The following POU2F1 variants were observed in gnomAD, a reference collection of about 807,000 sequenced individuals.
The protein encoded by POU2F1 is POU class 2 homeobox 1, also known as POU domain, class 2, transcription factor 1.
A neutral mutation model predicts 84.9 loss-of-function variants in POU2F1; 16 were observed. The ratio of observed to expected loss-of-function variants is 0.19; its 90% CI spans 0.13 to 0.29. The LOEUF (loss-of-function observed/expected upper bound fraction) is 0.29. Ranked by LOEUF, POU2F1 falls within the 10% of genes least tolerant of loss-of-function variation. The pLI is 1.00. For missense variants in POU2F1, 738 were observed against 942.6 expected, an observed-to-expected ratio of 0.78 and a Z score of 2.84; for synonymous variants, 368 against 368.3, an observed-to-expected ratio of 1.00 and a Z score of 0.01.
At position 167,401,306 on chromosome 1, in the gene POU2F1, A is replaced by G. The variant is rs758575959; in HGVS notation, c.1450-145A>G. The G allele has an allele frequency of 6.5e-5, 34 of 523,820 alleles. 1 individual carries two copies. Among genetic ancestry groups the G allele is most frequent in the Admixed American group, 1.8e-4 (5 of 27,660 alleles). The allele number at this position is 523,820 out of a possible 1,614,324, so 32.4% of individuals were successfully genotyped here. A position where few individuals can be genotyped will look rare whatever the true frequency, so the allele number is the denominator to read the frequency against. ...CCCAGGCAAAGCTATCTGTGATATC[A>G]GTGAACAACCATCTTCGAATAGCAG... is the stretch of plus-strand genomic sequence containing the variant. On this transcript the variant is annotated intron_variant, in intron 12 of 15. Coordinates refer to ENST00000367866, the MANE Select transcript of POU2F1 (RefSeq NM_002697.4).
chr1:167,403,974 A>G (rs1465082339), intron 13 of POU2F1, among the ~76,000 whole-genome samples: 1 of 152,014 alleles, frequency 6.6e-6, no homozygotes, highest in Non-Finnish European at 1.5e-5. Flanking sequence ...TTTAGCATCT[A>G]GTGTTGCTAG....
chr1:167,396,072 A>T (rs1416265698), intron 9 of POU2F1, among the ~76,000 whole-genome samples: 1 of 152,212 alleles, frequency 6.6e-6, no homozygotes, highest in East Asian at 1.9e-4. Context: ...GTGGGACAGT[A>T]TTGAACATTG....
chr1:167,235,740 A>G (rs2102353632), intron 1 of POU2F1, among the ~76,000 whole-genome samples: 1 of 152,314 alleles, frequency 6.6e-6, no homozygotes, highest in South Asian at 2.1e-4. Flanking sequence ...ACTCATTTAA[A>G]TAAGATAAAC....
chr1:167,405,333 A>G (rs1649493913), intron 13 of POU2F1, among the ~76,000 whole-genome samples: 1 of 152,140 alleles, frequency 6.6e-6, no homozygotes, highest in African/African-American at 2.4e-5. Context: ...GAAATAGACA[A>G]TTCAACAATA....
chr1:167,317,556 T>A (rs1280498404), intron 1 of POU2F1, among the ~76,000 whole-genome samples: 2 of 152,220 alleles, frequency 1.3e-5, no homozygotes, highest in African/African-American at 4.8e-5. Context: ...TTCTATAGAT[T>A]ATAGATTAAC....
intron 1 of POU2F1, among the ~76,000 whole-genome samples, chr1:167,253,454 C>T (rs1484064212): frequency 7.1e-6 from 1 of 141,630 alleles, no homozygotes; most frequent in African/African-American, 2.8e-5. Flanking sequence ...TTTTTTTGGT[C>T]TTACTCTGTC....
At chr1:167,313,159 T>C (rs1324923447) in intron 1 of POU2F1, among the ~76,000 whole-genome samples, 2 of 152,118 alleles carry the variant, frequency 1.3e-5, no homozygotes, top group African/African-American at 4.8e-5. Context: ...AACCACAAAA[T>C]GCTGATGAGA....
rs181915150 is a variant in POU2F1 at position 167,393,649 on chromosome 1, C to T, written c.988-2637C>T. On this transcript the variant is annotated intron_variant, in intron 9 of 15. Transcript: ENST00000367866. ...AAGTATCTGGGACTACAGGCACATGCACCACACACAGCTAATTTTTTTGTG... is the reference window on the plus strand; with the variant it reads ...AAGTATCTGGGACTACAGGCACATGTACCACACACAGCTAATTTTTTTGTG... Among the ~76,000 whole-genome samples the T allele has an allele frequency of 1.0e-3, 154 of 152,276 alleles. 1 individual carries two copies. The highest frequency in any genetic ancestry group is 3.9e-3 in the Admixed American group (60 of 15,298).
At chr1:167,288,794 A>AT (rs1226245148) in intron 1 of POU2F1, among the ~76,000 whole-genome samples, 1 of 152,160 alleles carries the variant, frequency 6.6e-6, no homozygotes, top group East Asian at 1.9e-4. Flanking sequence ...CAAGATCCTA[A>AT]TTTTTTGTGT....
At chr1:167,373,489 G>T (rs144360585) in intron 5 of POU2F1, among the ~76,000 whole-genome samples, 1,579 of 152,286 alleles carry the variant, frequency 0.01, 24 homozygotes, top group Admixed American at 0.02. Context: ...AAAGAGAACG[G>T]CTATCACCAC....
At chr1:167,368,656 T>G (rs1419204706) in intron 3 of POU2F1, among the ~76,000 whole-genome samples, 1 of 152,206 alleles carries the variant, frequency 6.6e-6, no homozygotes. Flanking sequence ...TCTGTTCAGA[T>G]AGGCCTCTCC....
At chr1:167,242,255 C>T (rs534086852) in intron 1 of POU2F1, among the ~76,000 whole-genome samples, 5 of 152,260 alleles carry the variant, frequency 3.3e-5, no homozygotes, top group South Asian at 2.1e-4. Flanking sequence ...TTGAGTTGTT[C>T]GGCCTGTTTA....
chr1:167,317,826 T>G (rs1656024994), intron 1 of POU2F1, among the ~76,000 whole-genome samples: 1 of 152,216 alleles, frequency 6.6e-6, no homozygotes, highest in Non-Finnish European at 1.5e-5. Flanking sequence ...ATGGCCAGAT[T>G]TGGGGGCCTC....
intron 1 of POU2F1, among the ~76,000 whole-genome samples, chr1:167,273,824 T>G (rs1652540451): frequency 6.6e-6 from 1 of 152,200 alleles, no homozygotes. Flanking sequence ...AGCTTCATAT[T>G]GCTTAAGATA....
rs749896163 is a variant in POU2F1, at chr1:167,412,246, A to G, written c.1843A>G (p.Met615Val). ...QLPANASLAA[M>V]AAAAGLNPSL... The stretch of plus-strand genomic sequence containing the variant: ...GCCAGCAAATGCCAGTCTTGCTGCC[A>G]TGGCAGCTGCTGCAGGACTAAACCC... Residue 615 changes from methionine to valine, a missense_variant, in exon 14 of 16, where the codon ATG becomes GTG. Coordinates refer to ENST00000367866, the MANE Select transcript of POU2F1 (RefSeq NM_002697.4). 3.8e-6 allele frequency: 6 copies of G among 1,595,942 alleles called. No individual in the cohort carries two copies. The East Asian group carries it at 9.2e-5, about 24-fold the overall frequency.
chr1:167,335,715 C>T (rs1657402008), intron 2 of POU2F1, among the ~76,000 whole-genome samples: 1 of 152,144 alleles, frequency 6.6e-6, no homozygotes, highest in African/African-American at 2.4e-5. Context: ...TGAATTCTTA[C>T]TGTAGGTGTC....
chr1:167,373,043 T>C (rs1660110228), intron 5 of POU2F1, among the ~76,000 whole-genome samples: 1 of 151,900 alleles, frequency 6.6e-6, no homozygotes, highest in Admixed American at 6.5e-5. Context: ...GAGATGTATG[T>C]ATATATATAT....
chr1:167,321,217 A>G (rs1195005419), intron 1 of POU2F1, among the ~76,000 whole-genome samples: 1 of 152,222 alleles, frequency 6.6e-6, no homozygotes, highest in African/African-American at 2.4e-5. Flanking sequence ...AGTAGGTTCA[A>G]TTGCTTGCCT....
At chr1:167,291,236 A>G (rs893998879) in intron 1 of POU2F1, among the ~76,000 whole-genome samples, 2 of 152,318 alleles carry the variant, frequency 1.3e-5, no homozygotes, top group African/African-American at 2.4e-5. Context: ...TATTTATACA[A>G]TGAAAGCATT....
Sources: gnomAD v4.1 joint callset for allele counts (sites outside exome capture counted in the v4.1 genomes callset) on GRCh38, gnomAD v4.1.1 for gene constraint, MANE v1.5 for transcripts, NCBI Gene and HGNC (gene_info 2026-07-23, HGNC 2026-07-21) for gene names.